The following TCF4 variants were observed in gnomAD, a reference collection of about 807,000 sequenced individuals.
TCF4 encodes SL3-3 enhancer factor 2.
Under a neutral mutation model 82.1 loss-of-function variants are expected in TCF4, and 3 were observed. That is an observed-to-expected ratio of 0.04 (90% confidence interval 0.02 to 0.09). The LOEUF (loss-of-function observed/expected upper bound fraction) is 0.09, where lower values mean the gene tolerates loss of function less well. Ranked by LOEUF, TCF4 falls within the 10% of genes least tolerant of loss-of-function variation. The pLI, the probability that TCF4 is intolerant of heterozygous loss-of-function variation, is 1.00. For synonymous variants in TCF4, 276 were observed against 309.6 expected (o/e 0.89, Z 1.14); for missense variants, 518 against 852.7 (o/e 0.61, Z 4.89).
intron 6 of TCF4, chr18:55,402,288 C>T (rs1179992141): frequency 2.1e-6 from 2 of 938,942 alleles, no homozygotes; most frequent in Non-Finnish European, 2.5e-6. Flanking sequence ...ACCAACCCAC[C>T]AGAAGTCGTA....
At chr18:55,616,464 C>A (rs1603625487) in intron 2 of TCF4, among the ~76,000 whole-genome samples, 1 of 152,118 alleles carries the variant, frequency 6.6e-6, no homozygotes, top group Non-Finnish European at 1.5e-5. Flanking sequence ...GATTTCAGTT[C>A]TTTTGGATAT....
chr18:55,378,532 G>C (rs1409808475), intron 6 of TCF4, among the ~76,000 whole-genome samples: 16 of 152,122 alleles, frequency 1.1e-4, no homozygotes, highest in Admixed American at 1.0e-3. Context: ...TAGATGAGGA[G>C]ACTTAGGTAT....
At chr18:55,406,194 T>C (rs1297790662) in intron 5 of TCF4, among the ~76,000 whole-genome samples, 1 of 151,174 alleles carries the variant, frequency 6.6e-6, no homozygotes, top group East Asian at 2.0e-4. Context: ...GCATCCACTT[T>C]TACCATCAAA....
chr18:55,422,936 GA>G (rs1001224463), intron 5 of TCF4, among the ~76,000 whole-genome samples: 5 of 150,950 alleles, frequency 3.3e-5, no homozygotes, highest in African/African-American at 4.9e-5. Context: ...ATTTTTGGGT[GA>G]AAAAAAACAA....
chr18:55,362,006 A>G (rs2085317490), intron 6 of TCF4, among the ~76,000 whole-genome samples: 1 of 152,218 alleles, frequency 6.6e-6, no homozygotes, highest in African/African-American at 2.4e-5. Flanking sequence ...CATCTTCTGG[A>G]CTCACACTGT....
At chr18:55,380,381 T>C (rs1359489708) in intron 6 of TCF4, among the ~76,000 whole-genome samples, 1 of 152,042 alleles carries the variant, frequency 6.6e-6, no homozygotes, top group African/African-American at 2.4e-5. Context: ...CAACCCGTCA[T>C]CTACATCCGG....
intron 13 of TCF4, among the ~76,000 whole-genome samples, chr18:55,257,839 T>C (rs1255636508): frequency 6.6e-6 from 1 of 152,144 alleles, no homozygotes; most frequent in African/African-American, 2.4e-5. Context: ...AGATAAATCT[T>C]GAAAAACTTT....
intron 11 of TCF4, chr18:55,268,219 A>T (rs1014107256): frequency 6.6e-6 from 1 of 152,130 alleles, no homozygotes; most frequent in South Asian, 2.1e-4. Flanking sequence ...CTTCCTAAAA[A>T]AGAAAATTAC....
intron 3 of TCF4, among the ~76,000 whole-genome samples, chr18:55,474,933 A>C (rs2096260957): frequency 6.6e-6 from 1 of 152,116 alleles, no homozygotes. Flanking sequence ...GGCTAATTTT[A>C]AAAGTTTTCA....
At chr18:55,501,056 A>G (rs748268203) in intron 3 of TCF4, among the ~76,000 whole-genome samples, 12 of 152,242 alleles carry the variant, frequency 7.9e-5, no homozygotes, top group Middle Eastern at 3.2e-3. Context: ...AGGTCTAGTT[A>G]ATGTTTAATG....
At chr18:55,235,557 AACT>A (rs2049114040) in intron 15 of TCF4, among the ~76,000 whole-genome samples, 1 of 152,198 alleles carries the variant, frequency 6.6e-6, no homozygotes, top group Admixed American at 6.5e-5. Flanking sequence ...GCTTTTTATT[AACT>A]ACTACTATCG....
At chr18:55,247,030 T>A (rs1377353919) in intron 15 of TCF4, among the ~76,000 whole-genome samples, 1 of 152,214 alleles carries the variant, frequency 6.6e-6, no homozygotes, top group African/African-American at 2.4e-5. Flanking sequence ...TGGACAAGCC[T>A]CATTTCCTGC....
intron 5 of TCF4, among the ~76,000 whole-genome samples, chr18:55,429,617 CG>C (rs2095112983): frequency 6.6e-6 from 1 of 151,724 alleles, no homozygotes; most frequent in Admixed American, 6.6e-5. Context: ...AAAAATTAGC[CG>C]GGCATGGTGG....
chr18:55,418,031 GTGTGTGTGTGTGTATC>G (rs2094583819), intron 5 of TCF4, among the ~76,000 whole-genome samples: 1 of 150,754 alleles, frequency 6.6e-6, no homozygotes, highest in South Asian at 2.1e-4. Context: ...GTGTGTGTGT[GTGTGTGTGTGTGTATC>G]TGTGTGTGTA....
chr18:55,377,386 G>A (rs2091018723), intron 6 of TCF4, among the ~76,000 whole-genome samples: 1 of 152,128 alleles, frequency 6.6e-6, no homozygotes, highest in Non-Finnish European at 1.5e-5. Flanking sequence ...CACTCTTGGA[G>A]ATAATTTCTA....
At chr18:55,361,183 T>C (rs1386909319) in intron 6 of TCF4, among the ~76,000 whole-genome samples, 1 of 152,154 alleles carries the variant, frequency 6.6e-6, no homozygotes, top group Non-Finnish European at 1.5e-5. Flanking sequence ...GTGGACAGAA[T>C]TGGCCTTCTA....
At chr18:55,243,342 G>A (rs1262210032) in intron 15 of TCF4, among the ~76,000 whole-genome samples, 3 of 152,150 alleles carry the variant, frequency 2.0e-5, no homozygotes, top group Non-Finnish European at 2.9e-5. Context: ...TTGCTACAAA[G>A]TGAACAACAC....
intron 6 of TCF4, among the ~76,000 whole-genome samples, chr18:55,360,482 T>C (rs574435725): frequency 6.6e-6 from 1 of 152,308 alleles, no homozygotes; most frequent in Non-Finnish European, 1.5e-5. Flanking sequence ...CACCATTAAA[T>C]ACCTAAAAAC....
chr18:55,505,787 G>GAGC (rs2096751534), intron 3 of TCF4, among the ~76,000 whole-genome samples: 1 of 122,630 alleles, frequency 8.2e-6, no homozygotes, highest in East Asian at 2.7e-4. Flanking sequence ...CTGGGCCACA[G>GAGC]AGCGAGACTC....
Sources: gnomAD v4.1 joint callset for allele counts (sites outside exome capture counted in the v4.1 genomes callset) on GRCh38, gnomAD v4.1.1 for gene constraint, MANE v1.5 for transcripts, NCBI Gene and HGNC (gene_info 2026-07-23, HGNC 2026-07-21) for gene names.